The following MAPRE1 variants were observed in gnomAD, a reference collection of about 807,000 sequenced individuals.
The protein encoded by MAPRE1 is microtubule-associated protein RP/EB family member 1.
MAPRE1 carries 5 observed loss-of-function variants against 32.1 expected under a neutral mutation model. That is an observed-to-expected ratio of 0.16 (90% CI 0.08 to 0.33). The LOEUF (loss-of-function observed/expected upper bound fraction) is 0.33. Ranked by LOEUF, MAPRE1 falls within the 10% of genes least tolerant of loss-of-function variation. The pLI is 1.00. For missense variants in MAPRE1, 209 were observed against 327.2 expected (o/e 0.64, Z 2.79); for synonymous variants, 122 against 118.9 (o/e 1.03, Z -0.17).
At chr20:32,843,133 TTTTATTTATTTA>T (rs561781690) in intron 5 of MAPRE1, 1 of 151,946 alleles carries the variant, frequency 6.6e-6, no homozygotes, top group African/African-American at 2.4e-5. Context: ...CTGCACAGAG[TTTTATTTATTTA>T]TTTATTTATT....
chr20:32,841,461 T>G (rs1216950874), intron 5 of MAPRE1, among the ~76,000 whole-genome samples: 4 of 151,898 alleles, frequency 2.6e-5, no homozygotes, highest in Admixed American at 6.6e-5. Flanking sequence ...CTCTTTTTTT[T>G]TTTTAATTAT....
chr20:32,831,001 G>C (rs561285406), intron 2 of MAPRE1, among the ~76,000 whole-genome samples: 147 of 151,446 alleles, frequency 9.7e-4, no homozygotes, highest in African/African-American at 3.5e-3. Flanking sequence ...TGGGATTACA[G>C]GTGTGAGCCA....
intron 5 of MAPRE1, among the ~76,000 whole-genome samples, chr20:32,840,083 A>G (rs1470245216): frequency 6.6e-6 from 1 of 152,234 alleles, no homozygotes; most frequent in Non-Finnish European, 1.5e-5. Flanking sequence ...TGTGCTCGGA[A>G]GCCAGTGCTT....
intron 4 of MAPRE1, among the ~76,000 whole-genome samples, chr20:32,837,535 A>G (rs879595371): frequency 6.6e-6 from 1 of 152,152 alleles, no homozygotes; most frequent in African/African-American, 2.4e-5. Context: ...TAGATACTCT[A>G]CAGATGCTAA....
chr20:32,837,782 A>G (rs1983241741), intron 4 of MAPRE1, among the ~76,000 whole-genome samples: 1 of 152,116 alleles, frequency 6.6e-6, no homozygotes, highest in Admixed American at 6.6e-5. Flanking sequence ...CATTTTCATC[A>G]CTCTGAAAAG....
At chr20:32,840,358 G>C (rs983338242) in intron 5 of MAPRE1, among the ~76,000 whole-genome samples, 4 of 152,238 alleles carry the variant, frequency 2.6e-5, no homozygotes, top group Non-Finnish European at 5.9e-5. Flanking sequence ...GCACCTGTCA[G>C]AGGTCTCTGT....
At chr20:32,820,529 G>A (rs1359943847) in intron 1 of MAPRE1, among the ~76,000 whole-genome samples, 1 of 152,088 alleles carries the variant, frequency 6.6e-6, no homozygotes, top group African/African-American at 2.4e-5. Context: ...TGTAAAACGG[G>A]GACAGTAATA....
At chr20:32,846,186 T>C (rs960404169) in intron 5 of MAPRE1, among the ~76,000 whole-genome samples, 16 of 152,198 alleles carry the variant, frequency 1.1e-4, no homozygotes, top group East Asian at 1.9e-4. Flanking sequence ...GCACTTTCCA[T>C]TGGGCTTCCA....
intron 2 of MAPRE1, among the ~76,000 whole-genome samples, chr20:32,826,329 G>A (rs1432349500): frequency 6.9e-6 from 1 of 145,308 alleles, no homozygotes; most frequent in Non-Finnish European, 1.5e-5. Context: ...CCATTCTCCT[G>A]CCTCAGTCTC....
At chr20:32,845,955 C>T (rs966766813) in intron 5 of MAPRE1, among the ~76,000 whole-genome samples, 1 of 152,210 alleles carries the variant, frequency 6.6e-6, no homozygotes, top group Non-Finnish European at 1.5e-5. Flanking sequence ...GTTTTTGCAA[C>T]TTGCATTCAT....
intron 5 of MAPRE1, among the ~76,000 whole-genome samples, chr20:32,844,808 T>C (rs1983459829): frequency 1.3e-5 from 2 of 152,136 alleles, no homozygotes; most frequent in African/African-American, 4.8e-5. Flanking sequence ...GCCTTTTGGA[T>C]TGTGGAGCTG....
In MAPRE1 at chr20:32,826,068, T is replaced by A. The variant is rs926173569; in HGVS notation, c.121+20T>A. On this transcript the variant is annotated intron_variant, in intron 2 of 6. Coordinates refer to ENST00000375571, the MANE Select transcript of MAPRE1 (RefSeq NM_012325.3). ...GCTCAGGTAAGAGAAATCTGCTGGA[T>A]CATTTTTCTAGGAAAGCCTGTAGGT... 6.4e-7 allele frequency: 1 copy of A among 1,570,752 alleles called. No individual in the cohort carries two copies. Among genetic ancestry groups the A allele is most frequent in the Non-Finnish European group, 8.7e-7 (1 of 1,146,892 alleles).
At chr20:32,835,362 G>GTTTTTTTTTTTTT (rs1198541946) in intron 3 of MAPRE1, among the ~76,000 whole-genome samples, 1 of 61,024 alleles carries the variant, frequency 1.6e-5, no homozygotes, top group African/African-American at 1.7e-4. Context: ...GTTTTTATTG[G>GTTTTTTTTTTTTT]TGTTTTTTTT....
chr20:32,847,622 G>GA (rs888708250), intron 6 of MAPRE1, among the ~76,000 whole-genome samples: 1 of 152,102 alleles, frequency 6.6e-6, no homozygotes, highest in Non-Finnish European at 1.5e-5. Flanking sequence ...GCTATGTAAT[G>GA]AAAAAAAGAC....
intron 2 of MAPRE1, among the ~76,000 whole-genome samples, chr20:32,829,354 A>C (rs1252868372): frequency 6.6e-6 from 1 of 152,234 alleles, no homozygotes. Flanking sequence ...AAGCCGTATA[A>C]GATGTCTCTT....
At chr20:32,848,637 T>C in intron 6 of MAPRE1, 35 bp from the exon 7 acceptor site, 1 of 1,564,352 alleles carries the variant, frequency 6.4e-7, no homozygotes, top group Non-Finnish European at 8.8e-7. Context: ...AAATGGATCT[T>C]TCAGTGGCTT....
intron 6 of MAPRE1, among the ~76,000 whole-genome samples, chr20:32,847,038 C>T (rs1983523150): frequency 1.3e-5 from 2 of 152,254 alleles, no homozygotes. Flanking sequence ...CCACAAACTG[C>T]TCTTAGCCAG....
At chr20:32,829,823 A>G (rs1256471026) in intron 2 of MAPRE1, among the ~76,000 whole-genome samples, 1 of 152,200 alleles carries the variant, frequency 6.6e-6, no homozygotes, top group Non-Finnish European at 1.5e-5. Flanking sequence ...GATAACTTTC[A>G]GTGAAAGATT....
At chr20:32,847,630 G>A (rs557605579) in intron 6 of MAPRE1, among the ~76,000 whole-genome samples, 1 of 152,274 alleles carries the variant, frequency 6.6e-6, no homozygotes, top group South Asian at 2.1e-4. Context: ...ATGAAAAAAA[G>A]ACAACGAAGA....
Sources: allele counts gnomAD v4.1 joint callset (sites outside exome capture counted in the v4.1 genomes callset), GRCh38; gene constraint gnomAD v4.1.1; transcripts MANE v1.5; gene names NCBI Gene and HGNC (gene_info 2026-07-23, HGNC 2026-07-21).